NKAIN3: variants seen among roughly 807,000 people sequenced by gnomAD.
The protein encoded by NKAIN3 is sodium/potassium-transporting ATPase subunit beta-1-interacting protein 3.
In NKAIN3, 25 loss-of-function variants were observed where a neutral mutation model predicts 30.2. The ratio of observed to expected loss-of-function variants is 0.83; its 90% CI spans 0.60 to 1.16. The LOEUF (loss-of-function observed/expected upper bound fraction) is 1.16. Ranked by LOEUF, NKAIN3 falls within the 50% of genes most tolerant of loss-of-function variation. The pLI, the probability that NKAIN3 is intolerant of heterozygous loss-of-function variation, is 0.00. For missense variants in NKAIN3, 225 were observed against 254.1 expected, an observed-to-expected ratio of 0.89 and a Z score of 0.78; for synonymous variants, 91 against 89.6, an observed-to-expected ratio of 1.02 and a Z score of -0.09.
At chr8:62,768,406 T>C (rs116461248) in intron 4 of NKAIN3, among the ~76,000 whole-genome samples, 2,540 of 152,266 alleles carry the variant, frequency 0.017, 69 homozygotes, top group African/African-American at 0.059. Context: ...CCATAATCTT[T>C]CTGTGCTTAA....
chr8:62,923,088 G>A (rs560936101), intron 5 of NKAIN3, among the ~76,000 whole-genome samples: 2 of 152,242 alleles, frequency 1.3e-5, no homozygotes, highest in South Asian at 4.1e-4. Context: ...CTTGAGCTCA[G>A]CAATTCAAGG....
chr8:62,640,216 A>G lies in NKAIN3; in HGVS notation c.273+50422A>G, dbSNP rs1341781595. Among the ~76,000 whole-genome samples, 3 of 152,176 alleles carry G rather than the reference A, an allele frequency of 2.0e-5. No homozygotes were observed. The East Asian group carries it at 5.8e-4, about 30-fold the overall frequency. ...TATCCCCACCCAAATCTCATCTTGAATTGTAATCCCCACATGTCAAGGAAG... is the reference window on the plus strand; with the variant it reads ...TATCCCCACCCAAATCTCATCTTGAGTTGTAATCCCCACATGTCAAGGAAG... On this transcript the variant is annotated intron_variant, in intron 3 of 6. Coordinates refer to ENST00000623646, the MANE Select transcript of NKAIN3 (RefSeq NM_001304533.3).
intron 4 of NKAIN3, among the ~76,000 whole-genome samples, chr8:62,865,127 A>G (rs1205560754): frequency 6.6e-6 from 1 of 152,112 alleles, no homozygotes; most frequent in Non-Finnish European, 1.5e-5. Context: ...CCAGAAAAGG[A>G]GAACTGCGAC....
chr8:62,751,278 A>T (rs1042433151), intron 4 of NKAIN3, among the ~76,000 whole-genome samples: 2 of 152,102 alleles, frequency 1.3e-5, no homozygotes, highest in African/African-American at 4.8e-5. Flanking sequence ...ATCTTCCCCC[A>T]AAACACCTCA....
chr8:62,367,278 A>C (rs1816764851), intron 1 of NKAIN3, among the ~76,000 whole-genome samples: 1 of 152,182 alleles, frequency 6.6e-6, no homozygotes, highest in Non-Finnish European at 1.5e-5. Flanking sequence ...AAAAAAAAAA[A>C]TAGGGTGATG....
intron 3 of NKAIN3, among the ~76,000 whole-genome samples, chr8:62,635,905 C>T (rs1259834538): frequency 6.6e-6 from 1 of 152,116 alleles, no homozygotes; most frequent in Non-Finnish European, 1.5e-5. Context: ...AGAATTTTAG[C>T]AGAAGCCTTA....
chr8:62,821,048 C>T (rs1818833856), intron 4 of NKAIN3, among the ~76,000 whole-genome samples: 1 of 152,128 alleles, frequency 6.6e-6, no homozygotes, highest in Non-Finnish European at 1.5e-5. Context: ...AAAGCCTTTG[C>T]ATCTTATAAC....
chr8:62,677,890 CT>C (rs1161762922), intron 3 of NKAIN3, among the ~76,000 whole-genome samples: 3 of 152,174 alleles, frequency 2.0e-5, no homozygotes, highest in East Asian at 1.9e-4. Context: ...GTATGTCCCC[CT>C]ATCCCCTGGT....
intron 4 of NKAIN3, among the ~76,000 whole-genome samples, chr8:62,911,561 G>T (rs1821926776): frequency 6.6e-6 from 1 of 152,026 alleles, no homozygotes; most frequent in Admixed American, 6.6e-5. Flanking sequence ...CAGTGACACT[G>T]AAAGAAAATC....
chr8:62,804,662 G>A (rs1291972220), intron 4 of NKAIN3, among the ~76,000 whole-genome samples: 1 of 152,104 alleles, frequency 6.6e-6, no homozygotes, highest in Non-Finnish European at 1.5e-5. Flanking sequence ...AAAATAATAA[G>A]AGCTATCTAT....
At chr8:62,732,724 T>G (rs899847933) in intron 3 of NKAIN3, among the ~76,000 whole-genome samples, 1 of 152,066 alleles carries the variant, frequency 6.6e-6, no homozygotes, top group Non-Finnish European at 1.5e-5. Flanking sequence ...TTTCACAGTT[T>G]TTTTATTATT....
At position 62,854,679 on chromosome 8, in the gene NKAIN3, C is replaced by T. The variant is rs542931468; in HGVS notation, c.472-63774C>T. ...GCCATTCTGTGTCTTTTAATTGGGG[C>T]ATGTAGCTCATTTACATTTAAGGTT... On this transcript the variant is annotated intron_variant, in intron 4 of 6. Transcript: ENST00000623646. 2.2e-4 allele frequency among the ~76,000 whole-genome samples: 34 copies of T among 152,216 alleles called. 1 individual carries two copies. The South Asian group carries it at 6.7e-3, about 30-fold the overall frequency.
At chr8:62,840,435 AAAAC>A (rs1819498044) in intron 4 of NKAIN3, among the ~76,000 whole-genome samples, 1 of 151,936 alleles carries the variant, frequency 6.6e-6, no homozygotes, top group African/African-American at 2.4e-5. Context: ...AAAAAAAAAA[AAAAC>A]AATCAGAGAG....
chr8:62,897,838 A>G (rs72655047), intron 4 of NKAIN3, among the ~76,000 whole-genome samples: 31,837 of 151,970 alleles, frequency 0.21, 4,022 homozygotes, highest in South Asian at 0.31. Context: ...CATGCGATCG[A>G]TTTGCACATG....
intron 1 of NKAIN3, among the ~76,000 whole-genome samples, chr8:62,521,651 G>T (rs185222130): frequency 6.6e-6 from 1 of 152,194 alleles, no homozygotes; most frequent in Admixed American, 6.5e-5. Flanking sequence ...CTGAATCATG[G>T]ACAAAAAGAG....
At chr8:62,948,274 A>C (rs1823182994) in intron 5 of NKAIN3, among the ~76,000 whole-genome samples, 1 of 150,992 alleles carries the variant, frequency 6.6e-6, no homozygotes, top group Non-Finnish European at 1.5e-5. Flanking sequence ...ATCTCGGATC[A>C]CTGCAACCTC....
In NKAIN3 at chr8:62,515,651, C is replaced by G. The variant is rs531127222; in HGVS notation, c.55-63888C>G. ...GGTGTGTGATTAATCAATTGCACCA[C>G]GGATTGCTTTCCAGAAACGCTACAT... is the stretch of plus-strand genomic sequence containing the variant. On this transcript the variant is annotated intron_variant, in intron 1 of 6. Coordinates refer to ENST00000623646, the MANE Select transcript of NKAIN3 (RefSeq NM_001304533.3). Among the ~76,000 whole-genome samples the G allele has an allele frequency of 3.9e-5, 6 of 152,206 alleles. 1 individual carries two copies. The South Asian group carries it at 1.2e-3, about 32-fold the overall frequency.
intron 1 of NKAIN3, among the ~76,000 whole-genome samples, chr8:62,330,978 C>T (rs930749804): frequency 7.3e-5 from 11 of 151,494 alleles, no homozygotes; most frequent in Non-Finnish European, 1.3e-4. Context: ...TCTCTAATCT[C>T]TAGACTTCTC....
At chr8:62,775,065 T>C (rs746667521) in intron 4 of NKAIN3, among the ~76,000 whole-genome samples, 5 of 152,148 alleles carry the variant, frequency 3.3e-5, no homozygotes, top group Non-Finnish European at 5.9e-5. Flanking sequence ...CTTCTTATTA[T>C]GGCATTAATC....
Sources: gnomAD v4.1 joint callset for allele counts (sites outside exome capture counted in the v4.1 genomes callset) on GRCh38, gnomAD v4.1.1 for gene constraint, MANE v1.5 for transcripts, NCBI Gene and HGNC (gene_info 2026-07-23, HGNC 2026-07-21) for gene names.